Variants in SH2D3C observed in about 807,000 individuals in gnomAD.
SH2D3C encodes the protein SH2 domain containing 3C, also known as SH2 domain-containing protein 3C.
A neutral mutation model predicts 75.2 loss-of-function variants in SH2D3C; 25 were observed. That is an observed-to-expected ratio of 0.33 (90% confidence interval 0.24 to 0.46). The LOEUF is 0.46. SH2D3C is among the 20% of genes least tolerant of loss of function. SH2D3C has a pLI of 1.00. For missense variants in SH2D3C, 933 were observed against 1,165.3 expected (o/e 0.80, Z 2.90); for synonymous variants, 450 against 473.7 (o/e 0.95, Z 0.65).
chr9:127,776,841 T>C (rs888489414), intron 1 of SH2D3C, among the ~76,000 whole-genome samples: 6 of 152,058 alleles, frequency 3.9e-5, no homozygotes, highest in Admixed American at 3.3e-4. Flanking sequence ...GCCGGCCCTA[T>C]TTGGTTATTG....
chr9:127,756,640 CT>C (rs573247009), intron 3 of SH2D3C, among the ~76,000 whole-genome samples: 2,380 of 93,784 alleles, frequency 0.025, 3 homozygotes, highest in Middle Eastern at 0.042. Flanking sequence ...TAGGAGGGGG[CT>C]TTTTTTTTTT....
At chr9:127,743,283 GC>G (rs1844921277) in intron 7 of SH2D3C, among the ~76,000 whole-genome samples, 1 of 152,132 alleles carries the variant, frequency 6.6e-6, no homozygotes, top group South Asian at 2.1e-4. Flanking sequence ...TGGGCGGATC[GC>G]CTGAGGTCAG....
Position 127,739,038 on chromosome 9 carries a change from G to A in SH2D3C, c.2408-117C>T. The A allele has an allele frequency of 1.1e-6, 1 of 906,912 alleles. No individual in the cohort carries two copies. 56.2% of individuals were successfully genotyped at this position (906,912 alleles called of 1,614,324 possible). A position where few individuals can be genotyped will look rare whatever the true frequency, so the allele number is the denominator to read the frequency against. On this transcript the variant is annotated intron_variant, in intron 11 of 11. Transcript: ENST00000314830. This position sits in a 1 kb window ranked among gnomAD's most constrained non-coding sequence, Gnocchi z 4.3. ...CTCAACTCCGCCAGGGATCCAACAA[G>A]GTTTGTGAATCAACACGACCCTGTA...
chr9:127,761,275 T>G (rs1287888944), intron 3 of SH2D3C, among the ~76,000 whole-genome samples: 1 of 152,160 alleles, frequency 6.6e-6, no homozygotes, highest in Non-Finnish European at 1.5e-5. Flanking sequence ...ACACAGTAGG[T>G]GCACAAAGAT....
intron 1 of SH2D3C, among the ~76,000 whole-genome samples, chr9:127,776,785 G>A (rs1845818331): frequency 6.6e-6 from 1 of 152,152 alleles, no homozygotes; most frequent in Non-Finnish European, 1.5e-5. Context: ...CAGGCCCAGG[G>A]CTCAGCACAG....
intron 9 of SH2D3C, among the ~76,000 whole-genome samples, chr9:127,741,219 T>C (rs190680020): frequency 1.3e-5 from 2 of 151,850 alleles, no homozygotes; most frequent in Admixed American, 1.3e-4. Context: ...ACTCACTAAA[T>C]GGTTGCCACT....
At chr9:127,767,189 G>C in intron 2 of SH2D3C, 2 of 1,532,794 alleles carry the variant, frequency 1.3e-6, no homozygotes, top group Non-Finnish European at 1.7e-6. Flanking sequence ...AGCCTTGTGA[G>C]GAGAAGGCAG....
At chr9:127,771,261 G>A (rs372849613) in intron 2 of SH2D3C, 1 of 1,540,260 alleles carries the variant, frequency 6.5e-7, no homozygotes, top group South Asian at 1.2e-5. Flanking sequence ...GGCAACCCGG[G>A]GACCTCCTAA....
At chr9:127,761,782 G>T in intron 2 of SH2D3C, 132 bp from the exon 3 acceptor site, 1 of 659,432 alleles carries the variant, frequency 1.5e-6, no homozygotes, top group Non-Finnish European at 2.5e-6. Flanking sequence ...GGCAGGAGGG[G>T]GCACTTATCA....
At chr9:127,750,873 T>G (rs1024890331) in intron 4 of SH2D3C, among the ~76,000 whole-genome samples, 3 of 152,192 alleles carry the variant, frequency 2.0e-5, no homozygotes, top group South Asian at 2.1e-4. Flanking sequence ...AGCATAATAA[T>G]AAGAACAAAG....
chr9:127,755,130 G>A, intron 3 of SH2D3C: 1 of 1,221,222 alleles, frequency 8.2e-7, no homozygotes, highest in Non-Finnish European at 1.0e-6. Context: ...CGGCCGACAG[G>A]GCACTCCACA....
intron 2 of SH2D3C, among the ~76,000 whole-genome samples, chr9:127,765,413 G>A (rs537980957): frequency 1.4e-4 from 22 of 152,224 alleles, no homozygotes; most frequent in African/African-American, 4.6e-4. Flanking sequence ...GAACCATCAG[G>A]AACTTAGTAA....
At position 127,757,940 on chromosome 9, in the gene SH2D3C, C is replaced by T. The variant is rs891195631; in HGVS notation, c.555+3671G>A. Among the ~76,000 whole-genome samples, 38 of 151,916 alleles carry T rather than the reference C, an allele frequency of 2.5e-4. 1 individual carries two copies. Among genetic ancestry groups the T allele is most frequent in the Admixed American group, 1.9e-3 (29 of 15,232 alleles). The stretch of plus-strand genomic sequence containing the variant: ...CCTCCCAAAGTGCTGAGATTACAGG[C>T]GTGAGCCACTGCACCCGGCCAGTTT... On this transcript the variant is annotated intron_variant, in intron 3 of 11. Coordinates refer to ENST00000314830, the MANE Select transcript of SH2D3C (RefSeq NM_170600.3).
At position 127,762,554 on chromosome 9, in the gene SH2D3C, C is replaced by T; in HGVS notation, c.516-904G>A. ...CCAAAAACCCTGTGGTCCTTTGTGC[C>T]CCGTCTTCCATTCAGCTCCACGCCC... On this transcript the variant is annotated intron_variant, in intron 2 of 11. Transcript: ENST00000314830. The T allele has an allele frequency of 5.0e-6, 2 of 397,810 alleles. 1 individual carries two copies. Among genetic ancestry groups the T allele is most frequent in the Non-Finnish European group, 1.0e-5 (2 of 196,802 alleles). The allele number at this position is 397,810 out of a possible 1,614,324, so 24.6% of individuals were successfully genotyped here.
rs924192560 is a variant in SH2D3C, at chr9:127,771,391, C to G, written c.515+2599G>C. The stretch of plus-strand genomic sequence containing the variant: ...CACGCCCCTGCGCTCCTTGCCCGGC[C>G]CCACTCCACCGCCTACTCCACCGGC... On this transcript the variant is annotated intron_variant, in intron 2 of 11. Coordinates refer to ENST00000314830, the MANE Select transcript of SH2D3C (RefSeq NM_170600.3). The G allele has an allele frequency of 2.6e-5, 35 of 1,327,218 alleles. No individual in the cohort carries two copies. In the South Asian group the frequency reaches 6.8e-4, roughly 26 times the overall value. 82.2% of individuals were successfully genotyped at this position (1,327,218 alleles called of 1,614,324 possible). A position where few individuals can be genotyped will look rare whatever the true frequency, so the allele number is the denominator to read the frequency against.
Position 127,738,910 on chromosome 9 carries a change from G to T in SH2D3C, c.2419C>A (p.Arg807=). The change falls in exon 12 of 12, where the codon CGG becomes AGG. Residue 807 remains arginine (R), a synonymous_variant. Transcript: ENST00000314830. This position sits in a 1 kb window ranked among gnomAD's most constrained non-coding sequence, Gnocchi z 5.0. ...AEVKLQGFQA[R]PELLEVFSTE... ...CTGAACACCTCCAGGAGCTCCGGCC[G>T]GGCCTGGAACCCTGCAGTGTTGGGG... 1 of 1,581,880 alleles carries T rather than the reference G, an allele frequency of 6.3e-7. No homozygotes were observed. The highest frequency in any genetic ancestry group is 8.6e-7 in the Non-Finnish European group (1 of 1,163,368).
intron 3 of SH2D3C, among the ~76,000 whole-genome samples, chr9:127,760,410 A>G (rs1845497989): frequency 6.6e-6 from 1 of 152,134 alleles, no homozygotes; most frequent in Non-Finnish European, 1.5e-5. Context: ...AGGTTGGTGC[A>G]AAAGTAACTG....
In SH2D3C at chr9:127,774,487, G is replaced by C; in HGVS notation, c.38-20C>G. 1 of 1,201,810 alleles carries C rather than the reference G, an allele frequency of 8.3e-7. No individual in the cohort carries two copies. The highest frequency in any genetic ancestry group is 1.2e-6 in the Non-Finnish European group (1 of 809,140). 74.4% of individuals were successfully genotyped at this position (1,201,810 alleles called of 1,614,324 possible). ...AGAACTCTAGCAGAGGGGAAGGGAA[G>C]GAAAAGAAGTTAATGACAATGTCAA... On this transcript the variant is annotated intron_variant, in intron 1 of 11. Transcript: ENST00000314830. This position sits in a 1 kb window ranked among gnomAD's most constrained non-coding sequence, Gnocchi z 4.3.
Position 127,773,964 on chromosome 9 carries a change from G to T in SH2D3C, c.515+26C>A, listed in dbSNP as rs775710615. On this transcript the variant is annotated intron_variant, in intron 2 of 11. Transcript: ENST00000314830. ...AAAAAAACAGAAGCCATCCCTGCAG[G>T]TCCCAACCAGCCCCTGGGCACCTAC... 5.0e-6 allele frequency: 7 copies of T among 1,393,036 alleles called. No individual in the cohort carries two copies. In the East Asian group the frequency reaches 1.4e-4, roughly 27 times the overall value. The allele number at this position is 1,393,036 out of a possible 1,614,324, so 86.3% of individuals were successfully genotyped here. A position where few individuals can be genotyped will look rare whatever the true frequency, so the allele number is the denominator to read the frequency against.
Sources: gnomAD v4.1 joint callset for allele counts (sites outside exome capture counted in the v4.1 genomes callset) on GRCh38, gnomAD v4.1.1 for gene constraint, Gnocchi (gnomAD v3.1) non-coding constraint, MANE v1.5 for transcripts, NCBI Gene and HGNC (gene_info 2026-07-23, HGNC 2026-07-21) for gene names.